The following CORO2B variants were observed in gnomAD, a reference collection of about 807,000 sequenced individuals.
CORO2B encodes the protein coronin-2B.
CORO2B carries 26 observed loss-of-function variants against 58.8 expected under a neutral mutation model. The observed-to-expected ratio is 0.44, with a 90% CI of 0.32 to 0.61. CORO2B has a LOEUF of 0.61. Among genes scored for constraint, CORO2B ranks in the 20% least tolerant of loss-of-function variants. The probability of loss-of-function intolerance (pLI) is 0.04; values close to 1 mark genes in which losing one functional copy is unlikely to be tolerated. For missense variants in CORO2B, 460 were observed against 645.1 expected (o/e 0.71, Z 3.11); for synonymous variants, 242 against 253.8 (o/e 0.95, Z 0.44).
At chr15:68,557,374 G>A in the CORO2B span, among the ~76,000 whole-genome samples, 32 of 152,308 alleles carry the variant, frequency 2.1e-4, no homozygotes, top group East Asian at 6.0e-3. Context: ...TCATAGCAGA[G>A]CTGAGGTTCA....
At chr15:68,621,863 C>T (rs1900531721) in intron 1 of CORO2B, among the ~76,000 whole-genome samples, 1 of 150,738 alleles carries the variant, frequency 6.6e-6, no homozygotes, top group Non-Finnish European at 1.5e-5. Flanking sequence ...TTCAAGTGAT[C>T]CTCCCACCTC....
chr15:68,676,415 G>A (rs867519303), intron 2 of CORO2B, among the ~76,000 whole-genome samples: 2 of 152,152 alleles, frequency 1.3e-5, no homozygotes, highest in African/African-American at 4.8e-5. Flanking sequence ...CTAGCTTCAG[G>A]TCACCTTCCT....
intron 3 of CORO2B, among the ~76,000 whole-genome samples, chr15:68,698,950 A>AAG (rs1424050157): frequency 1.3e-5 from 2 of 152,188 alleles, no homozygotes; most frequent in South Asian, 2.1e-4. Context: ...GCACACAGAG[A>AAG]AGAGAGAGAG....
intron 1 of CORO2B, among the ~76,000 whole-genome samples, chr15:68,582,458 A>G (rs1291063196): frequency 2.6e-5 from 4 of 152,324 alleles, no homozygotes; most frequent in East Asian, 3.9e-4. Flanking sequence ...CGAGGGAGCC[A>G]AGGCTGCTTT....
At chr15:68,578,952 C>A, upstream of CORO2B, 12 of 749,550 alleles carry the variant, frequency 1.6e-5, no homozygotes, top group Non-Finnish European at 2.0e-5. The surrounding 1 kb of genome is among the most constrained non-coding windows in gnomAD (Gnocchi z 4.2). Flanking sequence ...CCCTCTTCCT[C>A]CCCCCGCCCC....
intron 1 of CORO2B, among the ~76,000 whole-genome samples, chr15:68,621,251 A>G (rs567220892): frequency 6.6e-6 from 1 of 152,142 alleles, no homozygotes; most frequent in South Asian, 2.1e-4. Flanking sequence ...GACAAATCAC[A>G]CACTGCCTCC....
At position 68,696,207 on chromosome 15, in the gene CORO2B, G is replaced by A. The variant is rs1209552468; in HGVS notation, c.333+951G>A. Among the ~76,000 whole-genome samples the A allele has an allele frequency of 2.0e-5, 3 of 150,708 alleles. No individual in the cohort carries two copies. In the East Asian group the frequency reaches 5.9e-4, roughly 29 times the overall value. On this transcript the variant is annotated intron_variant, in intron 3 of 11. Coordinates refer to ENST00000261861, the MANE Select transcript of CORO2B (RefSeq NM_006091.5). ...CAAGGCTGCAGTGAGCTGTGATTGT[G>A]CCACTGCACTCCAGCTTGGGTGACA... is the stretch of plus-strand genomic sequence containing the variant.
intron 1 of CORO2B, among the ~76,000 whole-genome samples, chr15:68,620,236 T>A (rs1037121978): frequency 3.3e-5 from 5 of 152,186 alleles, no homozygotes; most frequent in African/African-American, 1.2e-4. Flanking sequence ...TTATTTAATG[T>A]GTTTTAGGAA....
At chr15:68,539,903 A>G in the CORO2B span, among the ~76,000 whole-genome samples, 4 of 152,332 alleles carry the variant, frequency 2.6e-5, no homozygotes, top group Admixed American at 6.5e-5. Flanking sequence ...TTTGCAGTCA[A>G]TCTATCGTGG....
the CORO2B span, among the ~76,000 whole-genome samples, chr15:68,523,293 C>T: frequency 3.9e-5 from 6 of 152,122 alleles, no homozygotes; most frequent in African/African-American, 1.2e-4. Context: ...CTCCCAGGCT[C>T]AATGTGATCC....
intron 2 of CORO2B, among the ~76,000 whole-genome samples, chr15:68,689,865 A>G (rs1424519111): frequency 1.3e-5 from 2 of 152,264 alleles, no homozygotes; most frequent in East Asian, 3.8e-4. Flanking sequence ...TACAGCCTGT[A>G]GCACTGCAAA....
chr15:68,631,414 A>G (rs1486662690), intron 1 of CORO2B, among the ~76,000 whole-genome samples: 2 of 152,222 alleles, frequency 1.3e-5, no homozygotes, highest in Non-Finnish European at 2.9e-5. Context: ...TGAGAACACA[A>G]GCTCCAAAAA....
At chr15:68,610,920 A>G (rs1171975350) in intron 1 of CORO2B, among the ~76,000 whole-genome samples, 1 of 152,254 alleles carries the variant, frequency 6.6e-6, no homozygotes, top group Non-Finnish European at 1.5e-5. Flanking sequence ...AGCACCTTCC[A>G]TTCCACACCC....
intron 2 of CORO2B, among the ~76,000 whole-genome samples, chr15:68,655,916 G>T (rs1034393567): frequency 6.6e-6 from 1 of 152,164 alleles, no homozygotes; most frequent in African/African-American, 2.4e-5. Context: ...GGGTGCAGGA[G>T]GGGTGTGGGG....
At chr15:68,676,325 C>G (rs547033981) in intron 2 of CORO2B, among the ~76,000 whole-genome samples, 82 of 152,316 alleles carry the variant, frequency 5.4e-4, no homozygotes, top group South Asian at 6.2e-4. Context: ...ATGAGCTGCA[C>G]AAACCCTCCA....
At chr15:68,572,251 A>T in the CORO2B span, among the ~76,000 whole-genome samples, 1 of 152,212 alleles carries the variant, frequency 6.6e-6, no homozygotes, top group African/African-American at 2.4e-5. Context: ...GAAGTCCAGG[A>T]TGGTCCCAGG....
chr15:68,553,329 A>G, the CORO2B span, among the ~76,000 whole-genome samples: 3 of 117,762 alleles, frequency 2.5e-5, no homozygotes, highest in South Asian at 3.5e-4. Flanking sequence ...AGATTATCCC[A>G]GATTATCTGG....
chr15:68,627,377 G>A (rs1018389626), intron 1 of CORO2B, among the ~76,000 whole-genome samples: 1 of 152,160 alleles, frequency 6.6e-6, no homozygotes, highest in African/African-American at 2.4e-5. Context: ...GTGGTTTATG[G>A]ACCTTCAAGT....
chr15:68,601,840 A>C (rs1383877255), intron 1 of CORO2B, among the ~76,000 whole-genome samples: 1 of 152,170 alleles, frequency 6.6e-6, no homozygotes, highest in Non-Finnish European at 1.5e-5. Context: ...TGAGCCATTT[A>C]TAAAGAACAG....
Sources: gnomAD v4.1 joint callset for allele counts (sites outside exome capture counted in the v4.1 genomes callset) on GRCh38, gnomAD v4.1.1 for gene constraint, Gnocchi (gnomAD v3.1) non-coding constraint, MANE v1.5 for transcripts, NCBI Gene and HGNC (gene_info 2026-07-23, HGNC 2026-07-21) for gene names.